ERBB4: variants seen among roughly 807,000 people sequenced by gnomAD.
The protein encoded by ERBB4 is erb-b2 receptor tyrosine kinase 4.
ERBB4 carries 42 observed loss-of-function variants against 158.0 expected under a neutral mutation model. The observed-to-expected ratio is 0.27, with a 90% CI of 0.21 to 0.34. The LOEUF (loss-of-function observed/expected upper bound fraction) is 0.34, where lower values mean the gene tolerates loss of function less well. Among genes scored for constraint, ERBB4 ranks in the 10% least tolerant of loss-of-function variants. ERBB4 has a pLI of 1.00. For synonymous variants in ERBB4, 583 were observed against 558.7 expected (o/e 1.04, Z -0.61); for missense variants, 1,333 against 1,624.1 (o/e 0.82, Z 3.08).
At chr2:212,075,373 T>C (rs2078244594) in intron 2 of ERBB4, among the ~76,000 whole-genome samples, 1 of 151,914 alleles carries the variant, frequency 6.6e-6, no homozygotes, top group African/African-American at 2.4e-5. Flanking sequence ...AATGGTACAA[T>C]ACAGCTTGGA....
At chr2:211,528,036 A>G (rs938796471) in intron 20 of ERBB4, among the ~76,000 whole-genome samples, 1 of 152,044 alleles carries the variant, frequency 6.6e-6, no homozygotes, top group Non-Finnish European at 1.5e-5. Context: ...ATATAAAAGG[A>G]CTAAACTCTC....
chr2:211,575,471 A>C (rs2067862072), intron 19 of ERBB4, among the ~76,000 whole-genome samples: 1 of 152,168 alleles, frequency 6.6e-6, no homozygotes, highest in Non-Finnish European at 1.5e-5. Context: ...TGAAACTTAA[A>C]TTTGACTTCA....
chr2:211,618,477 C>T (rs1043038156), intron 19 of ERBB4, among the ~76,000 whole-genome samples: 15 of 151,942 alleles, frequency 9.9e-5, no homozygotes, highest in Admixed American at 2.6e-4. Flanking sequence ...ACAGAGAACA[C>T]GTAGCATATA....
chr2:211,708,637 TC>T (rs2073547893), intron 9 of ERBB4, among the ~76,000 whole-genome samples: 128 of 151,112 alleles, frequency 8.5e-4, no homozygotes, highest in Middle Eastern at 3.5e-3. Flanking sequence ...TCTCTCTCTC[TC>T]TCTCTCACTA....
chr2:211,871,405 G>A (rs2078341663), intron 3 of ERBB4, among the ~76,000 whole-genome samples: 1 of 151,592 alleles, frequency 6.6e-6, no homozygotes, highest in Non-Finnish European at 1.5e-5. Flanking sequence ...AGTTAATCAA[G>A]TAATTTTCTC....
At chr2:212,383,838 A>G (rs2090588562) in intron 1 of ERBB4, among the ~76,000 whole-genome samples, 1 of 151,714 alleles carries the variant, frequency 6.6e-6, no homozygotes, top group Admixed American at 6.6e-5. Context: ...TTAATTAGGC[A>G]CATGTCAGGC....
intron 3 of ERBB4, among the ~76,000 whole-genome samples, chr2:211,812,440 T>C (rs1461939146): frequency 6.6e-6 from 1 of 152,112 alleles, no homozygotes; most frequent in Admixed American, 6.5e-5. Context: ...CCTGCCTGTA[T>C]GAGGTGTTAG....
rs925871725 is a variant in ERBB4 at position 211,984,550 on chromosome 2, T to C, written c.235-36934A>G. Among the ~76,000 whole-genome samples, 3 of 152,274 alleles carry C rather than the reference T, an allele frequency of 2.0e-5. No individual in the cohort carries two copies. The South Asian group carries it at 6.2e-4, about 32-fold the overall frequency. On this transcript the variant is annotated intron_variant, in intron 2 of 27. Coordinates refer to ENST00000342788, the MANE Select transcript of ERBB4 (RefSeq NM_005235.3). ...ACATGTGCCCGTGTCTTTAATTAGA[T>C]TATGAATTGCTGAAGGCAGAAATTC...
intron 2 of ERBB4, among the ~76,000 whole-genome samples, chr2:211,968,049 A>G (rs1413384803): frequency 1.3e-5 from 2 of 152,066 alleles, no homozygotes; most frequent in Admixed American, 1.3e-4. Context: ...TTTAAGATTC[A>G]TATCTTCTAT....
intron 2 of ERBB4, among the ~76,000 whole-genome samples, chr2:212,046,399 G>T (rs2077262359): frequency 1.3e-5 from 2 of 152,102 alleles, no homozygotes; most frequent in Non-Finnish European, 2.9e-5. Flanking sequence ...TACCCACTAT[G>T]CAACAATAAA....
rs577365866 is a variant in ERBB4 at position 211,863,780 on chromosome 2, C to T, written c.422-75621G>A. ...GAAGTCAGCAAGACCAAGAACCCAC[C>T]GGAAGGAAAAAATTCCAGACACAGT... On this transcript the variant is annotated intron_variant, in intron 3 of 27. Coordinates refer to ENST00000342788, the MANE Select transcript of ERBB4 (RefSeq NM_005235.3). Among the ~76,000 whole-genome samples, 5 of 152,214 alleles carry T rather than the reference C, an allele frequency of 3.3e-5. No homozygotes were observed. In the East Asian group the frequency reaches 9.7e-4, roughly 29 times the overall value.
intron 1 of ERBB4, among the ~76,000 whole-genome samples, chr2:212,301,662 T>C (rs1244925834): frequency 1.4e-5 from 2 of 141,994 alleles, no homozygotes; most frequent in African/African-American, 2.8e-5. Context: ...TATGGATTCA[T>C]AGATTACACA....
chr2:211,522,501 G>T (rs2066216466), intron 20 of ERBB4, among the ~76,000 whole-genome samples: 1 of 152,120 alleles, frequency 6.6e-6, no homozygotes, highest in Admixed American at 6.5e-5. Context: ...GAACATTATT[G>T]AAATGACAAC....
At chr2:211,539,361 A>G (rs1306766933) in intron 20 of ERBB4, among the ~76,000 whole-genome samples, 1 of 151,990 alleles carries the variant, frequency 6.6e-6, no homozygotes, top group Admixed American at 6.6e-5. Flanking sequence ...ATGCCTTAAT[A>G]AACTAAAACA....
intron 2 of ERBB4, among the ~76,000 whole-genome samples, chr2:212,043,894 T>A (rs192774694): frequency 1.3e-5 from 2 of 152,252 alleles, no homozygotes; most frequent in East Asian, 3.9e-4. Context: ...GCACAGTGCC[T>A]AGCATAATGT....
intron 20 of ERBB4, among the ~76,000 whole-genome samples, chr2:211,431,729 C>G (rs899704075): frequency 6.6e-6 from 1 of 152,012 alleles, no homozygotes; most frequent in African/African-American, 2.4e-5. Context: ...TTATGAGAAT[C>G]CATAGTGAAA....
rs1277854257 is a variant in ERBB4, at chr2:211,919,826, T to TTC, written c.421+27602_421+27603dup. ...AGGCAATTCAATATGTAGACATACT[T>TTC]TCATATGCTGCAAGGAAAAATTCTA... is the stretch of plus-strand genomic sequence containing the variant. On this transcript the variant is annotated intron_variant, in intron 3 of 27. Transcript: ENST00000342788. Among the ~76,000 whole-genome samples the TTC allele has an allele frequency of 2.0e-5, 3 of 152,016 alleles. No homozygotes were observed. In the East Asian group the frequency reaches 5.8e-4, roughly 29 times the overall value.
At chr2:211,956,524 T>A (rs1312939278) in intron 2 of ERBB4, among the ~76,000 whole-genome samples, 2 of 152,056 alleles carry the variant, frequency 1.3e-5, no homozygotes, top group Non-Finnish European at 2.9e-5. Context: ...CTCCATCACT[T>A]ATTGACCTTG....
At chr2:211,528,899 A>G (rs973246129) in intron 20 of ERBB4, among the ~76,000 whole-genome samples, 1 of 152,056 alleles carries the variant, frequency 6.6e-6, no homozygotes. Flanking sequence ...CCTACATAAA[A>G]AAGAGGCAAA....
Sources: allele counts gnomAD v4.1 joint callset (sites outside exome capture counted in the v4.1 genomes callset), GRCh38; gene constraint gnomAD v4.1.1; transcripts MANE v1.5; gene names NCBI Gene and HGNC (gene_info 2026-07-23, HGNC 2026-07-21).